Variants in TFDP2 observed in about 807,000 individuals in gnomAD.
TFDP2 encodes transcription factor Dp-2 (E2F dimerization partner 2).
In TFDP2, 17 loss-of-function variants were observed where a neutral mutation model predicts 59.3. That is an observed-to-expected ratio of 0.29 (90% CI 0.20 to 0.43). TFDP2 has a LOEUF of 0.43. TFDP2 is among the 20% of genes least tolerant of loss of function. The pLI, the probability that TFDP2 is intolerant of heterozygous loss-of-function variation, is 1.00. For missense variants in TFDP2, 391 were observed against 528.8 expected (o/e 0.74, Z 2.56); for synonymous variants, 180 against 194.7 (o/e 0.92, Z 0.63).
intron 3 of TFDP2, among the ~76,000 whole-genome samples, chr3:142,086,004 T>C (rs2060801533): frequency 2.0e-5 from 3 of 152,142 alleles, no homozygotes. Flanking sequence ...TTCATGCTTA[T>C]CATTTCTTTC....
chr3:142,105,010 T>C (rs966706889), intron 1 of TFDP2, among the ~76,000 whole-genome samples: 1 of 152,108 alleles, frequency 6.6e-6, no homozygotes, highest in Non-Finnish European at 1.5e-5. Context: ...CCTAACCTCT[T>C]AGAGCCTCCA....
chr3:142,091,083 A>G (rs2060981611), intron 3 of TFDP2, among the ~76,000 whole-genome samples: 1 of 152,174 alleles, frequency 6.6e-6, no homozygotes, highest in African/African-American at 2.4e-5. Context: ...GGGTATACAA[A>G]AGAATGGAGT....
At chr3:142,052,292 C>T (rs964148888) in intron 3 of TFDP2, among the ~76,000 whole-genome samples, 1 of 152,046 alleles carries the variant, frequency 6.6e-6, no homozygotes, top group Non-Finnish European at 1.5e-5. Context: ...AATCCCAGCA[C>T]TTTGGGAGGC....
chr3:142,075,273 T>C (rs376514712), intron 3 of TFDP2, among the ~76,000 whole-genome samples: 9 of 152,248 alleles, frequency 5.9e-5, no homozygotes, highest in East Asian at 3.9e-4. Context: ...ACACAACCTA[T>C]TGAATGGAAG....
chr3:142,000,806 A>G (rs1301686699), intron 4 of TFDP2, among the ~76,000 whole-genome samples: 1 of 152,228 alleles, frequency 6.6e-6, no homozygotes, highest in Non-Finnish European at 1.5e-5. Context: ...ATAGGTCCCA[A>G]CCAATACAAA....
intron 5 of TFDP2, among the ~76,000 whole-genome samples, chr3:141,993,930 G>C (rs1224899167): frequency 2.6e-5 from 4 of 152,232 alleles, no homozygotes; most frequent in African/African-American, 9.6e-5. Flanking sequence ...AAATGGGGCT[G>C]AAAACATCCA....
chr3:142,043,054 TTA>T (rs1159081768), intron 3 of TFDP2, among the ~76,000 whole-genome samples: 2 of 148,574 alleles, frequency 1.3e-5, no homozygotes, highest in Non-Finnish European at 3.0e-5. Flanking sequence ...GCTTATTTTA[TTA>T]TTTTTTTTGA....
At chr3:141,975,373 T>C (rs558834790) in intron 7 of TFDP2, among the ~76,000 whole-genome samples, 16 of 152,008 alleles carry the variant, frequency 1.1e-4, no homozygotes, top group Non-Finnish European at 2.1e-4. Flanking sequence ...GGATTTAAGT[T>C]ATAGAACTGA....
chr3:142,082,434 T>C (rs2060668285), intron 3 of TFDP2, among the ~76,000 whole-genome samples: 1 of 152,090 alleles, frequency 6.6e-6, no homozygotes, highest in South Asian at 2.1e-4. Flanking sequence ...CATGGAAAAA[T>C]TGTATTCCAC....
At chr3:141,953,207 G>A (rs1353209905) in intron 11 of TFDP2, among the ~76,000 whole-genome samples, 191 bp from the exon 12 acceptor site, 2 of 151,466 alleles carry the variant, frequency 1.3e-5, no homozygotes, top group Middle Eastern at 3.2e-3. Flanking sequence ...TAGAACATAA[G>A]AGCAGGAAAA....
At chr3:142,049,783 T>C (rs1333576593) in intron 3 of TFDP2, among the ~76,000 whole-genome samples, 1 of 152,196 alleles carries the variant, frequency 6.6e-6, no homozygotes, top group Admixed American at 6.5e-5. Flanking sequence ...AAGCCAACTG[T>C]ATTTCTATCT....
At chr3:142,086,376 C>G (rs2060811760) in intron 3 of TFDP2, among the ~76,000 whole-genome samples, 1 of 152,172 alleles carries the variant, frequency 6.6e-6, no homozygotes, top group Non-Finnish European at 1.5e-5. Flanking sequence ...ATGCCAGTTG[C>G]AAGCACCAGG....
At chr3:141,987,383 G>A (rs540424010) in intron 6 of TFDP2, among the ~76,000 whole-genome samples, 1 of 151,308 alleles carries the variant, frequency 6.6e-6, no homozygotes, top group South Asian at 2.1e-4. Flanking sequence ...CCAGGTTCAG[G>A]CAATTCTCCT....
chr3:141,971,792 T>TA (rs1939803620), intron 8 of TFDP2, among the ~76,000 whole-genome samples: 1 of 152,184 alleles, frequency 6.6e-6, no homozygotes, highest in South Asian at 2.1e-4. Context: ...GTGACATTGA[T>TA]ATGTCCAGTC....
intron 3 of TFDP2, among the ~76,000 whole-genome samples, chr3:142,033,815 C>T (rs1193288625): frequency 6.6e-6 from 1 of 152,160 alleles, no homozygotes; most frequent in East Asian, 1.9e-4. Flanking sequence ...TCAGCTGGCA[C>T]ACAGAATCCC....
intron 8 of TFDP2, among the ~76,000 whole-genome samples, chr3:141,970,883 G>A (rs955538751): frequency 4.0e-5 from 6 of 151,724 alleles, no homozygotes; most frequent in Non-Finnish European, 7.4e-5. Context: ...CCAACATGGC[G>A]AAACCCTATC....
At chr3:142,134,241 C>T (rs2062631028) in intron 1 of TFDP2, among the ~76,000 whole-genome samples, 2 of 151,094 alleles carry the variant, frequency 1.3e-5, no homozygotes, top group African/African-American at 2.4e-5. Flanking sequence ...CCCAGCTACT[C>T]AGGAGCCTGA....
chr3:142,025,309 C>G (rs896388614), intron 3 of TFDP2, among the ~76,000 whole-genome samples: 1 of 152,152 alleles, frequency 6.6e-6, no homozygotes, highest in African/African-American at 2.4e-5. Context: ...CATAATTTGA[C>G]CACACATTCA....
Position 141,965,270 on chromosome 3 carries a change from C to T in TFDP2, c.733-1307G>A, listed in dbSNP as rs571516877. Among the ~76,000 whole-genome samples the T allele has an allele frequency of 3.3e-5, 5 of 151,970 alleles. No individual in the cohort carries two copies. The East Asian group carries it at 7.7e-4, about 23-fold the overall frequency. ...CCAGTAGTGATAAATTTATTTTTTA[C>T]ATTTTAGCAATCTTATGATCAGTAT... On this transcript the variant is annotated intron_variant, in intron 9 of 12. Coordinates refer to ENST00000489671, the MANE Select transcript of TFDP2 (RefSeq NM_001178139.2).
Sources: allele counts gnomAD v4.1 joint callset (sites outside exome capture counted in the v4.1 genomes callset), GRCh38; gene constraint gnomAD v4.1.1; transcripts MANE v1.5; gene names NCBI Gene and HGNC (gene_info 2026-07-23, HGNC 2026-07-21).